Variants in TTC27 observed in about 807,000 individuals in gnomAD.
TTC27 encodes the protein tetratricopeptide repeat domain 27.
Under a neutral mutation model 115.9 loss-of-function variants are expected in TTC27, and 79 were observed. That is an observed-to-expected ratio of 0.68 (90% confidence interval 0.57 to 0.82). TTC27 has a LOEUF of 0.82. Among genes scored for constraint, TTC27 ranks in the 40% least tolerant of loss-of-function variants. The probability of loss-of-function intolerance (pLI) is 0.00; values close to 1 mark genes in which losing one functional copy is unlikely to be tolerated. For synonymous variants in TTC27, 401 were observed against 356.0 expected (o/e 1.13, Z -1.42); for missense variants, 1,054 against 993.1 (o/e 1.06, Z -0.82).
intron 14 of TTC27, among the ~76,000 whole-genome samples, chr2:32,779,659 A>C (rs1276595944): frequency 6.6e-6 from 1 of 151,970 alleles, no homozygotes; most frequent in Non-Finnish European, 1.5e-5. Flanking sequence ...GATGAGGTCC[A>C]ACTTACCTGT....
At chr2:32,692,075 C>G (rs1666839341) in intron 9 of TTC27, among the ~76,000 whole-genome samples, 1 of 48,726 alleles carries the variant, frequency 2.1e-5, no homozygotes, top group Non-Finnish European at 4.5e-5. Flanking sequence ...AGAGACAGGT[C>G]TCCCCATATT....
chr2:32,789,377 T>C (rs562848768), intron 16 of TTC27, among the ~76,000 whole-genome samples: 2 of 152,172 alleles, frequency 1.3e-5, no homozygotes, highest in Non-Finnish European at 2.9e-5. Context: ...TCTCTCAGGA[T>C]GAAAAAACAT....
At chr2:32,788,997 A>G (rs1267308660) in intron 16 of TTC27, among the ~76,000 whole-genome samples, 1 of 152,160 alleles carries the variant, frequency 6.6e-6, no homozygotes, top group Non-Finnish European at 1.5e-5. Context: ...AGCTCATTTA[A>G]TTCTCACCTC....
intron 5 of TTC27, among the ~76,000 whole-genome samples, chr2:32,661,133 T>C (rs1261338115): frequency 1.3e-5 from 2 of 152,230 alleles, no homozygotes; most frequent in Non-Finnish European, 2.9e-5. Flanking sequence ...TCTATATATC[T>C]GTTTTGATAC....
intron 10 of TTC27, among the ~76,000 whole-genome samples, chr2:32,721,404 T>C (rs1667921020): frequency 6.6e-6 from 1 of 152,124 alleles, no homozygotes; most frequent in African/African-American, 2.4e-5. Context: ...AAAGAGATCA[T>C]CAGGCCTTTC....
intron 9 of TTC27, among the ~76,000 whole-genome samples, chr2:32,686,953 CTG>C: frequency 2.0e-5 from 3 of 152,004 alleles, no homozygotes; most frequent in Non-Finnish European, 2.9e-5. Context: ...CAAGCAATTC[CTG>C]TGCCTCAGCC....
At chr2:32,765,143 A>G (rs752021649) in intron 13 of TTC27, among the ~76,000 whole-genome samples, 4 of 152,188 alleles carry the variant, frequency 2.6e-5, no homozygotes, top group Non-Finnish European at 5.9e-5. Flanking sequence ...GCCCAGATCC[A>G]TCAGAGGAAT....
chr2:32,808,670 T>C (rs1671218681), intron 16 of TTC27, among the ~76,000 whole-genome samples: 1 of 152,210 alleles, frequency 6.6e-6, no homozygotes, highest in Admixed American at 6.5e-5. Context: ...ATGCCAGGAC[T>C]ACAGCTCTTC....
At chr2:32,649,768 A>T (rs1269441437) in intron 4 of TTC27, among the ~76,000 whole-genome samples, 3 of 150,930 alleles carry the variant, frequency 2.0e-5, no homozygotes, top group African/African-American at 7.3e-5. Flanking sequence ...CTGGTCTTGA[A>T]CTCCTGACCT....
intron 16 of TTC27, among the ~76,000 whole-genome samples, chr2:32,803,006 T>C (rs1406435305): frequency 6.6e-6 from 1 of 152,232 alleles, no homozygotes; most frequent in Non-Finnish European, 1.5e-5. Context: ...GTATTGTCTG[T>C]TCAACTGGTA....
intron 9 of TTC27, among the ~76,000 whole-genome samples, chr2:32,692,703 G>A (rs1464997992): frequency 6.6e-6 from 1 of 152,142 alleles, no homozygotes; most frequent in African/African-American, 2.4e-5. Flanking sequence ...GGGGCACGGT[G>A]GTTTACACCT....
intron 5 of TTC27, among the ~76,000 whole-genome samples, chr2:32,664,087 A>G (rs1163216089): frequency 6.6e-6 from 1 of 152,132 alleles, no homozygotes; most frequent in African/African-American, 2.4e-5. Flanking sequence ...GAGATAGTGT[A>G]CATAATGTCC....
intron 13 of TTC27, among the ~76,000 whole-genome samples, chr2:32,768,222 AT>A (rs1189604104): frequency 2.9e-4 from 44 of 152,136 alleles, no homozygotes; most frequent in Non-Finnish European, 5.3e-4. Flanking sequence ...CAGCATTAAA[AT>A]TTTTTTACTT....
At chr2:32,708,312 T>G (rs1260991762) in intron 10 of TTC27, among the ~76,000 whole-genome samples, 1 of 131,354 alleles carries the variant, frequency 7.6e-6, no homozygotes, top group African/African-American at 2.9e-5. Context: ...TTGTTTTTTT[T>G]TTTTTTTTTT....
chr2:32,740,240 T>G (rs185749151), intron 12 of TTC27, among the ~76,000 whole-genome samples: 3 of 152,306 alleles, frequency 2.0e-5, no homozygotes, highest in African/African-American at 7.2e-5. Flanking sequence ...GGGTTAGGGA[T>G]AGATAAGGGT....
intron 5 of TTC27, among the ~76,000 whole-genome samples, chr2:32,650,794 TATA>T (rs1665091491): frequency 6.6e-6 from 1 of 152,202 alleles, no homozygotes; most frequent in Non-Finnish European, 1.5e-5. Flanking sequence ...TTTTGTAACA[TATA>T]ATATACATGC....
Position 32,777,896 on chromosome 2 carries a change from T to TTC in TTC27, c.1700_1701dup (p.Gly568SerfsTer22). Reference sequence around the variant, plus strand: ...GGTCTTTGCAGCTCGGGGTGTGGTTTTCTCTCGGTTGTGCCTATTTGGCCT... The same window carrying TTC: ...GGTCTTTGCAGCTCGGGGTGTGGTTTTCTCTCTCGGTTGTGCCTATTTGGCCT... On this transcript the variant is annotated frameshift_variant, in exon 14 of 20. Transcript: ENST00000317907. LOFTEE classifies it high-confidence loss of function. The TTC allele has an allele frequency of 6.2e-7, 1 of 1,614,142 alleles. No homozygotes were observed. The highest frequency in any genetic ancestry group is 8.5e-7 in the Non-Finnish European group (1 of 1,180,016).
At chr2:32,806,965 A>G (rs1671152525) in intron 16 of TTC27, among the ~76,000 whole-genome samples, 1 of 152,194 alleles carries the variant, frequency 6.6e-6, no homozygotes, top group Admixed American at 6.5e-5. Flanking sequence ...AAGTATGCAA[A>G]TCATAAGTAA....
chr2:32,704,642 G>C (rs1463117984), intron 10 of TTC27, among the ~76,000 whole-genome samples: 1 of 152,098 alleles, frequency 6.6e-6, no homozygotes, highest in Non-Finnish European at 1.5e-5. Flanking sequence ...TCCAAGCCTG[G>C]CATTTCACTG....
Sources: gnomAD v4.1 joint callset for allele counts (sites outside exome capture counted in the v4.1 genomes callset) on GRCh38, gnomAD v4.1.1 for gene constraint, MANE v1.5 for transcripts, NCBI Gene and HGNC (gene_info 2026-07-23, HGNC 2026-07-21) for gene names.